The following PFKFB3 variants were observed in gnomAD, a reference collection of about 807,000 sequenced individuals.
The protein encoded by PFKFB3 is 6-phosphofructo-2-kinase/fructose-2,6-biphosphatase 3, also known as 6-phosphofructo-2-kinase/fructose-2,6-bisphosphatase 3.
In PFKFB3, 33 loss-of-function variants were observed where a neutral mutation model predicts 68.0. The observed-to-expected ratio is 0.49, with a 90% CI of 0.37 to 0.65. The LOEUF (loss-of-function observed/expected upper bound fraction) is 0.65, where lower values mean the gene tolerates loss of function less well. Among genes scored for constraint, PFKFB3 ranks in the 30% least tolerant of loss-of-function variants. PFKFB3 has a pLI of 0.00. For synonymous variants in PFKFB3, 315 were observed against 288.2 expected (o/e 1.09, Z -0.94); for missense variants, 586 against 712.2 (o/e 0.82, Z 2.02).
intron 13 of PFKFB3, 37 bp from the exon 14 acceptor site, chr10:6,226,155 C>T (rs775061441): frequency 2.6e-6 from 4 of 1,515,396 alleles, no homozygotes; most frequent in Non-Finnish European, 3.5e-6. Context: ...TTCTTTGTAA[C>T]TGTCGCCTTT....
chr10:6,152,175 C>A (rs945232952), intron 1 of PFKFB3: 1 of 154,408 alleles, frequency 6.5e-6, no homozygotes, highest in Non-Finnish European at 1.5e-5. Flanking sequence ...GGGTGGTGAC[C>A]CACACTTTTG....
chr10:6,312,133 C>T, the PFKFB3 span, among the ~76,000 whole-genome samples: 1 of 152,070 alleles, frequency 6.6e-6, no homozygotes, highest in South Asian at 2.1e-4. Flanking sequence ...TAGCTCTGGC[C>T]TCCGGGATTG....
the PFKFB3 span, chr10:6,293,074 A>G: frequency 5.1e-6 from 2 of 391,152 alleles, no homozygotes; most frequent in South Asian, 2.3e-5. Context: ...ACGTTCAGCT[A>G]CATTTCCGTC....
At chr10:6,296,694 T>G in the PFKFB3 span, among the ~76,000 whole-genome samples, 1 of 152,348 alleles carries the variant, frequency 6.6e-6, no homozygotes, top group East Asian at 1.9e-4. Context: ...ACTGTCGTGG[T>G]GCTGGTGGGA....
chr10:6,157,436 C>T (rs1321239411), intron 1 of PFKFB3, among the ~76,000 whole-genome samples: 1 of 152,154 alleles, frequency 6.6e-6, no homozygotes, highest in Non-Finnish European at 1.5e-5. Context: ...CCGTGTTAGC[C>T]AGGATGGTCT....
chr10:6,177,172 A>G (rs1013477704), intron 1 of PFKFB3, among the ~76,000 whole-genome samples: 9 of 151,968 alleles, frequency 5.9e-5, no homozygotes, highest in African/African-American at 2.2e-4. Flanking sequence ...TCTACAGTGA[A>G]CTCTAACAGG....
chr10:6,170,407 T>C (rs1588414323), intron 1 of PFKFB3, among the ~76,000 whole-genome samples: 1 of 152,156 alleles, frequency 6.6e-6, no homozygotes, highest in Non-Finnish European at 1.5e-5. Context: ...AAATGAAATA[T>C]AGAAGACGAA....
intron 13 of PFKFB3, among the ~76,000 whole-genome samples, chr10:6,225,516 C>T (rs963713190): frequency 1.3e-5 from 2 of 152,272 alleles, no homozygotes; most frequent in Non-Finnish European, 2.9e-5. Context: ...GAGCTCTTCC[C>T]TGCAGGGAAT....
the PFKFB3 span, among the ~76,000 whole-genome samples, chr10:6,305,827 A>G: frequency 6.6e-6 from 1 of 152,108 alleles, no homozygotes; most frequent in Non-Finnish European, 1.5e-5. Flanking sequence ...AACACTTTAA[A>G]CGTAAATATC....
At chr10:6,187,087 G>A (rs936772032) in intron 1 of PFKFB3, among the ~76,000 whole-genome samples, 7 of 151,972 alleles carry the variant, frequency 4.6e-5, no homozygotes, top group African/African-American at 9.7e-5. Flanking sequence ...GCAGCCGGGC[G>A]CAGCGACTCA....
intron 5 of PFKFB3, 55 bp downstream of exon 5, chr10:6,216,835 C>T: frequency 2.4e-6 from 3 of 1,266,718 alleles, no homozygotes; most frequent in South Asian, 1.2e-5. Flanking sequence ...GAAAAGGCTT[C>T]AGGAAGCGGC....
chr10:6,231,534 C>T (rs1226733155), intron 14 of PFKFB3: 1 of 985,438 alleles, frequency 1.0e-6, no homozygotes, highest in Non-Finnish European at 1.2e-6. Context: ...CCCGGTCTTG[C>T]AGGCTCTCCA....
At chr10:6,297,743 C>G in the PFKFB3 span, among the ~76,000 whole-genome samples, 1 of 152,146 alleles carries the variant, frequency 6.6e-6, no homozygotes, top group Admixed American at 6.5e-5. Context: ...GAGGGTGTGT[C>G]AAGTGATCGA....
At chr10:6,192,347 C>T (rs555762893) in intron 1 of PFKFB3, among the ~76,000 whole-genome samples, 1 of 149,142 alleles carries the variant, frequency 6.7e-6, no homozygotes, top group African/African-American at 2.5e-5. Flanking sequence ...AAAACCTGCC[C>T]GTTTTTTTTT....
At chr10:6,260,229 C>T in the PFKFB3 span, among the ~76,000 whole-genome samples, 2,623 of 151,780 alleles carry the variant, frequency 0.017, 72 homozygotes, top group African/African-American at 0.059. Flanking sequence ...CTGGCTAACA[C>T]GTGAAACCCC....
intron 14 of PFKFB3, among the ~76,000 whole-genome samples, chr10:6,250,912 C>A (rs2153754): frequency 0.73 from 110,689 of 152,080 alleles, 40,436 homozygotes; most frequent in Non-Finnish European, 0.76. Context: ...GGTTGAACTA[C>A]GCCAGCGCTT....
At chr10:6,178,061 GCCAAGGCGT>G (rs1455336833) in intron 1 of PFKFB3, among the ~76,000 whole-genome samples, 2 of 152,208 alleles carry the variant, frequency 1.3e-5, no homozygotes, top group Admixed American at 6.5e-5. Flanking sequence ...TCAGGAGGGA[GCCAAGGCGT>G]CCAAGGAGGC....
intron 7 of PFKFB3, 149 bp downstream of exon 7, chr10:6,219,842 G>A (rs1314788655): frequency 2.8e-6 from 2 of 711,604 alleles, no homozygotes; most frequent in Non-Finnish European, 4.6e-6. Flanking sequence ...TCGCTATGTT[G>A]CCCGGGCTGG....
the PFKFB3 span, among the ~76,000 whole-genome samples, chr10:6,267,954 CAAAAAAAAA>C: frequency 3.5e-5 from 3 of 85,912 alleles, no homozygotes; most frequent in African/African-American, 8.9e-5. Flanking sequence ...GACCCTATCT[CAAAAAAAAA>C]AAAAAAAAAA....
Sources: allele counts gnomAD v4.1 joint callset (sites outside exome capture counted in the v4.1 genomes callset), GRCh38; gene constraint gnomAD v4.1.1; transcripts MANE v1.5; gene names NCBI Gene and HGNC (gene_info 2026-07-23, HGNC 2026-07-21).